SYCP2L: variants seen among roughly 807,000 people sequenced by gnomAD.
SYCP2L encodes the protein synaptonemal complex protein 2 like.
SYCP2L carries 98 observed loss-of-function variants against 125.8 expected under a neutral mutation model. That is an observed-to-expected ratio of 0.78 (90% confidence interval 0.66 to 0.92). The LOEUF (loss-of-function observed/expected upper bound fraction) is 0.92. Ranked by LOEUF, SYCP2L falls within the 40% of genes least tolerant of loss-of-function variation. SYCP2L has a pLI of 0.00. For missense variants in SYCP2L, 842 were observed against 936.4 expected, an observed-to-expected ratio of 0.90 and a Z score of 1.32; for synonymous variants, 317 against 325.4, an observed-to-expected ratio of 0.97 and a Z score of 0.28.
intron 29 of SYCP2L, among the ~76,000 whole-genome samples, chr6:10,973,371 A>G (rs1423743454): frequency 6.6e-6 from 1 of 152,192 alleles, no homozygotes; most frequent in Non-Finnish European, 1.5e-5. Context: ...CGTCTCTACT[A>G]AAAATACGAA....
intron 15 of SYCP2L, among the ~76,000 whole-genome samples, chr6:10,925,897 G>A (rs941034869): frequency 1.3e-5 from 2 of 152,164 alleles, no homozygotes; most frequent in Non-Finnish European, 2.9e-5. Flanking sequence ...AACGTTTTGA[G>A]GGGAGAATGA....
chr6:10,952,974 T>C (rs562901740), intron 23 of SYCP2L, among the ~76,000 whole-genome samples: 1 of 152,280 alleles, frequency 6.6e-6, no homozygotes, highest in South Asian at 2.1e-4. Context: ...GTTTCTTTTC[T>C]TTTTTTATTA....
rs779868341 is a variant in SYCP2L at position 10,956,188 on chromosome 6, T to C, written c.2109T>C (p.Ser703=). The C allele has an allele frequency of 3.7e-5, 59 of 1,614,010 alleles. No homozygotes were observed. The highest frequency in any genetic ancestry group is 3.8e-5 in the Non-Finnish European group (45 of 1,179,996). ...LEVVPENLNG[S]AILPTFENFT... The stretch of plus-strand genomic sequence containing the variant: ...TTGTGCCAGAGAACTTGAACGGTTC[T>C]GCCATTCTCCCAACCTTTGAAAACT... The change falls in exon 25 of 30, where the codon TCT becomes TCC. Residue 703 remains serine (S), a synonymous_variant. Coordinates refer to ENST00000283141, the MANE Select transcript of SYCP2L (RefSeq NM_001040274.3).
chr6:10,963,667 TAAGTA>T (rs1360415401), intron 28 of SYCP2L, 110 bp from the exon 29 acceptor site: 5 of 987,472 alleles, frequency 5.1e-6, no homozygotes, highest in Non-Finnish European at 7.7e-6. Context: ...TGTCTATAAT[TAAGTA>T]ATATAATGGT....
chr6:10,904,518 A>G (rs1780447906), intron 8 of SYCP2L, among the ~76,000 whole-genome samples: 1 of 152,178 alleles, frequency 6.6e-6, no homozygotes, highest in African/African-American at 2.4e-5. Context: ...ACAAATTTTT[A>G]TTTAATACGT....
intron 14 of SYCP2L, among the ~76,000 whole-genome samples, chr6:10,913,597 C>T (rs574264039): frequency 4.6e-5 from 7 of 151,540 alleles, no homozygotes; most frequent in East Asian, 1.9e-4. Context: ...TGTTTGAGTT[C>T]GTTGTAAATT....
intron 14 of SYCP2L, among the ~76,000 whole-genome samples, chr6:10,919,922 G>T (rs1428440765): frequency 6.6e-6 from 1 of 152,108 alleles, no homozygotes; most frequent in East Asian, 1.9e-4. Flanking sequence ...CACTCCCACG[G>T]TACCCCCCAC....
At chr6:10,890,837 A>C (rs937649978) in intron 1 of SYCP2L, among the ~76,000 whole-genome samples, 2 of 152,018 alleles carry the variant, frequency 1.3e-5, no homozygotes, top group African/African-American at 4.8e-5. Context: ...CTTTTAGTTT[A>C]TTTTGAGTTG....
At chr6:10,899,888 C>T (rs1043012003) in intron 6 of SYCP2L, among the ~76,000 whole-genome samples, 22 of 152,190 alleles carry the variant, frequency 1.4e-4, no homozygotes, top group African/African-American at 5.3e-4. Context: ...GTCTTTAAAA[C>T]TGGTTGATAA....
In SYCP2L at chr6:10,944,870, A is replaced by G. The variant is rs190207806; in HGVS notation, c.1954+2124A>G. On this transcript the variant is annotated intron_variant, in intron 23 of 29. Coordinates refer to ENST00000283141, the MANE Select transcript of SYCP2L (RefSeq NM_001040274.3). ...GCTGGGATTACAGGCATGTGCCACC[A>G]TACCCAGCTAATTTTGCATTTTTAG... Among the ~76,000 whole-genome samples, 110 of 152,156 alleles carry G rather than the reference A, an allele frequency of 7.2e-4. No homozygotes were observed. In the East Asian group the frequency reaches 0.013, roughly 18 times the overall value.
intron 28 of SYCP2L, among the ~76,000 whole-genome samples, chr6:10,961,857 G>A (rs1781599491): frequency 6.6e-6 from 1 of 152,098 alleles, no homozygotes; most frequent in South Asian, 2.1e-4. Context: ...TGAGAAAAAT[G>A]TTTAGGTTTC....
At chr6:10,948,426 C>G (rs1360126850) in intron 23 of SYCP2L, among the ~76,000 whole-genome samples, 1 of 152,056 alleles carries the variant, frequency 6.6e-6, no homozygotes, top group African/African-American at 2.4e-5. Flanking sequence ...CATAGTTTTA[C>G]TTATATGTGG....
intron 28 of SYCP2L, among the ~76,000 whole-genome samples, 184 bp downstream of exon 28, chr6:10,961,742 A>G (rs1781597318): frequency 6.6e-6 from 1 of 152,170 alleles, no homozygotes; most frequent in Admixed American, 6.5e-5. Context: ...ACCATTCGAG[A>G]GGCGTAAATC....
chr6:10,889,103 G>A (rs1251986545), intron 1 of SYCP2L, among the ~76,000 whole-genome samples: 2 of 152,028 alleles, frequency 1.3e-5, no homozygotes, highest in Non-Finnish European at 2.9e-5. Flanking sequence ...CTCATGATAT[G>A]CCCGCCTTGG....
intron 29 of SYCP2L, among the ~76,000 whole-genome samples, chr6:10,968,564 C>T (rs974277644): frequency 6.6e-6 from 1 of 151,972 alleles, no homozygotes; most frequent in Non-Finnish European, 1.5e-5. Context: ...GGAGGTGGTA[C>T]CTTCAGAAAC....
At chr6:10,966,581 C>T (rs1430033067) in intron 29 of SYCP2L, among the ~76,000 whole-genome samples, 4 of 152,244 alleles carry the variant, frequency 2.6e-5, no homozygotes, top group Admixed American at 6.5e-5. Context: ...TTTTTTGAAA[C>T]TTGACCAGCT....
intron 2 of SYCP2L, 132 bp from the exon 3 acceptor site, chr6:10,893,735 A>T (rs1487335876): frequency 1.1e-5 from 11 of 977,208 alleles, no homozygotes. Flanking sequence ...TATTCAAGAT[A>T]GAGATCTCCA....
Position 10,897,953 on chromosome 6 carries a change from T to G in SYCP2L, c.337-58T>G. 2.7e-6 allele frequency: 3 copies of G among 1,120,884 alleles called. No homozygotes were observed. The East Asian group carries it at 7.1e-5, about 26-fold the overall frequency. 69.4% of individuals were successfully genotyped at this position (1,120,884 alleles called of 1,614,324 possible). On this transcript the variant is annotated intron_variant, in intron 4 of 29. Transcript: ENST00000283141. The stretch of plus-strand genomic sequence containing the variant: ...GTAATGAGAAAATTGTCTTGTGCAA[T>G]TTTATTGAATAGGCAGCATTTAGTC...
At chr6:10,927,537 A>G (rs1399513175) in intron 17 of SYCP2L, among the ~76,000 whole-genome samples, 170 bp downstream of exon 17, 1 of 152,168 alleles carries the variant, frequency 6.6e-6, no homozygotes, top group Non-Finnish European at 1.5e-5. Context: ...AGGGATTTTC[A>G]AAAGGGGAGG....
Sources: allele counts gnomAD v4.1 joint callset (sites outside exome capture counted in the v4.1 genomes callset), GRCh38; gene constraint gnomAD v4.1.1; transcripts MANE v1.5; gene names NCBI Gene and HGNC (gene_info 2026-07-23, HGNC 2026-07-21).